The following FBXL7 variants were observed in gnomAD, a reference collection of about 807,000 sequenced individuals.
FBXL7 encodes the protein F-box and leucine rich repeat protein 7.
Under a neutral mutation model 38.3 loss-of-function variants are expected in FBXL7, and 12 were observed. That is an observed-to-expected ratio of 0.31 (90% CI 0.20 to 0.51). The LOEUF (loss-of-function observed/expected upper bound fraction) is 0.51, where lower values mean the gene tolerates loss of function less well. Ranked by LOEUF, FBXL7 falls within the 20% of genes least tolerant of loss-of-function variation. FBXL7 has a pLI of 0.98. For missense variants in FBXL7, 567 were observed against 676.4 expected, an observed-to-expected ratio of 0.84 and a Z score of 1.79; for synonymous variants, 297 against 300.9, an observed-to-expected ratio of 0.99 and a Z score of 0.13.
At chr5:15,823,172 TGTGA>T (rs1379987566) in intron 2 of FBXL7, among the ~76,000 whole-genome samples, 2 of 152,224 alleles carry the variant, frequency 1.3e-5, no homozygotes, top group Non-Finnish European at 2.9e-5. Flanking sequence ...TGCATATAAA[TGTGA>T]GTGTCTTTGT....
chr5:15,824,561 AG>A (rs1738260395), intron 2 of FBXL7, among the ~76,000 whole-genome samples: 1 of 152,136 alleles, frequency 6.6e-6, no homozygotes, highest in Non-Finnish European at 1.5e-5. Context: ...GAAAAAAAAA[AG>A]GTTTTCTGTA....
chr5:15,637,318 G>T (rs1252534836), intron 2 of FBXL7, among the ~76,000 whole-genome samples: 3 of 152,318 alleles, frequency 2.0e-5, no homozygotes, highest in African/African-American at 7.2e-5. Flanking sequence ...CCAGGGACCA[G>T]AATACCACAT....
At chr5:15,579,219 T>C (rs527610953) in intron 1 of FBXL7, among the ~76,000 whole-genome samples, 2 of 152,316 alleles carry the variant, frequency 1.3e-5, no homozygotes, top group South Asian at 4.1e-4. Context: ...TTCTACCTTC[T>C]TGCTTATGTG....
At chr5:15,553,686 T>C (rs1339071491) in intron 1 of FBXL7, among the ~76,000 whole-genome samples, 1 of 152,154 alleles carries the variant, frequency 6.6e-6, no homozygotes, top group Non-Finnish European at 1.5e-5. Flanking sequence ...AGACATGCAT[T>C]GTTTAGTTGT....
chr5:15,871,429 A>G lies in FBXL7; in HGVS notation c.128-56461A>G, dbSNP rs187557310. 6.4e-3 allele frequency among the ~76,000 whole-genome samples: 952 copies of G among 149,606 alleles called. 4 individuals are homozygous for G. Among genetic ancestry groups the G allele is most frequent in the Non-Finnish European group, 0.011 (721 of 66,978 alleles). On this transcript the variant is annotated intron_variant, in intron 2 of 3. Coordinates refer to ENST00000504595, the MANE Select transcript of FBXL7 (RefSeq NM_012304.5). ...ATCACAACTCCTTGCCAGCAAGGGAACAAAAGTGGATGGAGAATGAGTTTG... is the reference window on the plus strand; with the variant it reads ...ATCACAACTCCTTGCCAGCAAGGGAGCAAAAGTGGATGGAGAATGAGTTTG...
At chr5:15,501,727 G>T (rs1461930240) in intron 1 of FBXL7, 4 of 985,288 alleles carry the variant, frequency 4.1e-6, no homozygotes, top group Non-Finnish European at 4.8e-6. Context: ...ACAGAATGTG[G>T]GTGTCTCTCC....
intron 1 of FBXL7, among the ~76,000 whole-genome samples, chr5:15,522,737 A>G (rs2126376889): frequency 6.6e-6 from 1 of 152,362 alleles, no homozygotes; most frequent in East Asian, 1.9e-4. Context: ...GTTGAAATAT[A>G]AGCTACTGTC....
intron 2 of FBXL7, among the ~76,000 whole-genome samples, chr5:15,644,087 T>C (rs1741451548): frequency 6.6e-6 from 1 of 152,190 alleles, no homozygotes; most frequent in Non-Finnish European, 1.5e-5. Context: ...TTGCTATTTA[T>C]GCTGATGATT....
At position 15,929,439 on chromosome 5, in the gene FBXL7, C is replaced by T. The variant is rs573456308; in HGVS notation, c.739+938C>T. Among the ~76,000 whole-genome samples, 15 of 152,088 alleles carry T rather than the reference C, an allele frequency of 9.9e-5. No homozygotes were observed. The South Asian group carries it at 1.9e-3, about 19-fold the overall frequency. On this transcript the variant is annotated intron_variant, in intron 3 of 3. Transcript: ENST00000504595. ...TTAGAGACGAGCCTGAGCAACAAAG[C>T]GAGACCCCTCTCTCCACAAAAACTG...
intron 2 of FBXL7, among the ~76,000 whole-genome samples, chr5:15,889,346 G>A (rs908179798): frequency 3.9e-5 from 6 of 152,146 alleles, no homozygotes; most frequent in East Asian, 3.9e-4. Flanking sequence ...GTGACTTACC[G>A]GAGTGCTCGA....
intron 2 of FBXL7, among the ~76,000 whole-genome samples, chr5:15,664,136 T>C (rs1347522408): frequency 5.3e-5 from 8 of 152,194 alleles, no homozygotes; most frequent in Admixed American, 2.6e-4. Context: ...AATTTTTTTA[T>C]ATTGGGGTTT....
At chr5:15,681,995 G>A (rs1742858882) in intron 2 of FBXL7, among the ~76,000 whole-genome samples, 2 of 152,280 alleles carry the variant, frequency 1.3e-5, no homozygotes, top group African/African-American at 2.4e-5. Flanking sequence ...GATAATTCAG[G>A]TCTGCGTTAG....
intron 2 of FBXL7, among the ~76,000 whole-genome samples, chr5:15,654,685 C>G (rs142948915): frequency 2.6e-5 from 4 of 152,068 alleles, no homozygotes. Context: ...GAAAAACAGG[C>G]GCCTAGTTTG....
chr5:15,749,649 C>A (rs1675825860), intron 2 of FBXL7, among the ~76,000 whole-genome samples: 1 of 152,162 alleles, frequency 6.6e-6, no homozygotes, highest in Non-Finnish European at 1.5e-5. Context: ...AAGTGTGTAT[C>A]CTCAGTCACT....
intron 1 of FBXL7, among the ~76,000 whole-genome samples, chr5:15,564,360 T>A (rs1216918662): frequency 6.7e-6 from 1 of 148,666 alleles, no homozygotes; most frequent in Non-Finnish European, 1.5e-5. Flanking sequence ...AATAGGACAA[T>A]TATGATGTCA....
At chr5:15,810,287 A>T (rs1039660993) in intron 2 of FBXL7, among the ~76,000 whole-genome samples, 3 of 152,134 alleles carry the variant, frequency 2.0e-5, no homozygotes, top group African/African-American at 4.8e-5. Flanking sequence ...ATGAGCGGGC[A>T]CAGTGGCTCA....
intron 2 of FBXL7, among the ~76,000 whole-genome samples, chr5:15,721,898 G>T (rs190103862): frequency 6.6e-6 from 1 of 151,994 alleles, no homozygotes; most frequent in Non-Finnish European, 1.5e-5. Flanking sequence ...GCAGTGGCAC[G>T]ATCTCAGCTC....
chr5:15,702,529 C>CT (rs1743560418), intron 2 of FBXL7, among the ~76,000 whole-genome samples: 1 of 152,044 alleles, frequency 6.6e-6, no homozygotes. Flanking sequence ...TCTGCATGTG[C>CT]TTTTTTCTGT....
chr5:15,786,748 G>A (rs2126726791), intron 2 of FBXL7, among the ~76,000 whole-genome samples: 1 of 152,286 alleles, frequency 6.6e-6, no homozygotes, highest in South Asian at 2.1e-4. Context: ...AATACGTAAT[G>A]GACTTACAGG....
Sources: allele counts gnomAD v4.1 joint callset (sites outside exome capture counted in the v4.1 genomes callset), GRCh38; gene constraint gnomAD v4.1.1; transcripts MANE v1.5; gene names NCBI Gene and HGNC (gene_info 2026-07-23, HGNC 2026-07-21).